Variants in DLG5 observed in about 807,000 individuals in gnomAD.
DLG5 encodes discs large MAGUK scaffold protein 5, also known as disks large homolog 5.
DLG5 carries 48 observed loss-of-function variants against 189.8 expected under a neutral mutation model. The ratio of observed to expected loss-of-function variants is 0.25; its 90% CI spans 0.20 to 0.32. The LOEUF (loss-of-function observed/expected upper bound fraction) is 0.32, where lower values mean the gene tolerates loss of function less well. DLG5 is among the 10% of genes least tolerant of loss of function. The pLI is 1.00. For missense variants in DLG5, 2,160 were observed against 2,544.7 expected (o/e 0.85, Z 3.25); for synonymous variants, 1,016 against 1,054.1 (o/e 0.96, Z 0.70).
chr10:77,800,194 C>T (rs1482802604), intron 27 of DLG5, among the ~76,000 whole-genome samples: 1 of 152,204 alleles, frequency 6.6e-6, no homozygotes, highest in Non-Finnish European at 1.5e-5. Flanking sequence ...AACTTTTAAA[C>T]TACTACACAG....
intron 1 of DLG5, among the ~76,000 whole-genome samples, chr10:77,924,523 A>T (rs1435290832): frequency 6.6e-6 from 1 of 152,240 alleles, no homozygotes; most frequent in Non-Finnish European, 1.5e-5. Flanking sequence ...TGCTTTACGA[A>T]AGACTTTCAG....
Position 77,821,827 on chromosome 10 carries a change from C to G in DLG5, c.2657G>C (p.Ser886Thr). The change falls in exon 15 of 32, where the codon AGT becomes ACT. Residue 886 changes from serine to threonine, a missense_variant. This residue lies in a region of DLG5 where 754 missense variants were observed against 746.5 expected (regional missense o/e 1.01). Transcript: ENST00000372391. ...GGAGCTCAGGCTACGCTCAGAGGCACTGGGACAGGCCTGGGGGCAGACCTG... is the reference window on the plus strand; with the variant it reads ...GGAGCTCAGGCTACGCTCAGAGGCAGTGGGACAGGCCTGGGGGCAGACCTG... ...PLQVCPQACP[S>T]ASERSLSSFR... 1 of 1,613,646 alleles carries G rather than the reference C, an allele frequency of 6.2e-7. No homozygotes were observed. The highest frequency in any genetic ancestry group is 2.2e-5 in the East Asian group (1 of 44,854).
intron 15 of DLG5, 116 bp from the exon 16 acceptor site, chr10:77,820,134 T>C (rs1842268048): frequency 1.4e-6 from 2 of 1,433,130 alleles, no homozygotes; most frequent in South Asian, 1.3e-5. Flanking sequence ...TCACCTAAGG[T>C]CAGGAGTTCA....
Position 77,810,997 on chromosome 10 carries a change from G to A in DLG5, c.4463+97C>T, listed in dbSNP as rs2154575271. 10 of 1,469,868 alleles carry A rather than the reference G, an allele frequency of 6.8e-6. No homozygotes were observed. In the South Asian group the frequency reaches 1.1e-4, roughly 16 times the overall value. The allele number at this position is 1,469,868 out of a possible 1,614,324, so 91.1% of individuals were successfully genotyped here. Reference sequence around the variant, plus strand: ...ACCTGGTGTGCGGCCTGCAGCACATGAGGCCAGCTGCCCAGTGCCCACGCC... The same window carrying A: ...ACCTGGTGTGCGGCCTGCAGCACATAAGGCCAGCTGCCCAGTGCCCACGCC... On this transcript the variant is annotated intron_variant, in intron 23 of 31. Coordinates refer to ENST00000372391, the MANE Select transcript of DLG5 (RefSeq NM_004747.4).
Position 77,792,282 on chromosome 10 carries a change from C to T in DLG5, c.*158G>A. Reference sequence around the variant, plus strand: ...GGGCCTGGATCGCACGCAGCCGTGGCCCTCTGTCTACAAAGGAGGTGCTTC... The same window carrying T: ...GGGCCTGGATCGCACGCAGCCGTGGTCCTCTGTCTACAAAGGAGGTGCTTC... On this transcript the variant is annotated 3_prime_UTR_variant, in exon 32 of 32. Coordinates refer to ENST00000372391, the MANE Select transcript of DLG5 (RefSeq NM_004747.4). 2 of 708,866 alleles carry T rather than the reference C, an allele frequency of 2.8e-6. No homozygotes were observed. Among genetic ancestry groups the T allele is most frequent in the Non-Finnish European group, 4.9e-6 (2 of 411,348 alleles). 43.9% of individuals were successfully genotyped at this position (708,866 alleles called of 1,614,324 possible). A position where few individuals can be genotyped will look rare whatever the true frequency, so the allele number is the denominator to read the frequency against.
chr10:77,926,348 T>G lies in DLG5; in HGVS notation c.173A>C (p.Lys58Thr). The change falls in exon 1 of 32, where the codon AAG becomes ACG. Residue 58 changes from lysine (K) to threonine (T), a missense_variant. By Grantham distance (78) the Lys-to-Thr change is moderately conservative. Coordinates refer to ENST00000372391, the MANE Select transcript of DLG5 (RefSeq NM_004747.4). The surrounding 1 kb of genome is among the most constrained non-coding windows in gnomAD (Gnocchi z 5.2). ...AGGAKAELLL[K>T]LLLAKERDHF... ...GTCCCGCTCCTTGGCCAAGAGCAGC[T>G]TGAGCAGCAGCTCCGCCTTGGCGCC... is the stretch of plus-strand genomic sequence containing the variant. 6.2e-7 allele frequency: 1 copy of G among 1,603,462 alleles called. No homozygotes were observed. Among genetic ancestry groups the G allele is most frequent in the Non-Finnish European group, 8.5e-7 (1 of 1,176,412 alleles).
intron 5 of DLG5, chr10:77,845,374 G>A (rs771283733): frequency 1.3e-5 from 2 of 152,198 alleles, no homozygotes; most frequent in African/African-American, 2.4e-5. Flanking sequence ...TTTATCAAGC[G>A]TTTGCAGCCT....
At chr10:77,816,881 G>A (rs1842082697) in intron 19 of DLG5, 126 bp downstream of exon 19, 3 of 1,377,730 alleles carry the variant, frequency 2.2e-6, no homozygotes, top group South Asian at 1.2e-5. Flanking sequence ...CCTACTGCTG[G>A]GCTCAGTGAA....
chr10:77,919,488 T>A (rs1317747287), intron 1 of DLG5, among the ~76,000 whole-genome samples: 1 of 150,290 alleles, frequency 6.7e-6, no homozygotes, highest in African/African-American at 2.5e-5. Context: ...GTTTTGACTG[T>A]TGAACTGGGG....
At chr10:77,878,735 C>A (rs954819145) in intron 1 of DLG5, among the ~76,000 whole-genome samples, 1 of 152,176 alleles carries the variant, frequency 6.6e-6, no homozygotes, top group Admixed American at 6.5e-5. Context: ...CATGGCAATT[C>A]CAAGCCATCC....
At chr10:77,806,691 C>T (rs1841488995) in intron 26 of DLG5, 67 bp downstream of exon 26, 1 of 1,497,748 alleles carries the variant, frequency 6.7e-7, no homozygotes, top group South Asian at 1.2e-5. Context: ...TCCCATGGGA[C>T]AGCTCCATGG....
At chr10:77,857,017 C>T in intron 2 of DLG5, 125 bp from the exon 3 acceptor site, 1 of 850,730 alleles carries the variant, frequency 1.2e-6, no homozygotes, top group Non-Finnish European at 1.8e-6. Context: ...TCTTAGCATT[C>T]CCCTTTCACA....
intron 1 of DLG5, among the ~76,000 whole-genome samples, chr10:77,897,390 T>G (rs1845793449): frequency 6.6e-6 from 1 of 151,790 alleles, no homozygotes; most frequent in Non-Finnish European, 1.5e-5. Flanking sequence ...AATAAATAAT[T>G]TTTGCTATTT....
At chr10:77,920,641 G>A (rs2278218) in intron 1 of DLG5, among the ~76,000 whole-genome samples, 29,076 of 152,098 alleles carry the variant, frequency 0.19, 3,364 homozygotes, top group South Asian at 0.27. Context: ...CACAGTGACC[G>A]GGCCTCATGT....
At chr10:77,888,649 G>A (rs975290466) in intron 1 of DLG5, among the ~76,000 whole-genome samples, 3 of 152,130 alleles carry the variant, frequency 2.0e-5, no homozygotes, top group Non-Finnish European at 4.4e-5. Context: ...AAGACAGATA[G>A]GAATGCGCCC....
intron 20 of DLG5, among the ~76,000 whole-genome samples, chr10:77,812,661 T>C (rs552092101): frequency 1.9e-4 from 29 of 152,212 alleles, no homozygotes; most frequent in African/African-American, 5.3e-4. Context: ...CACTGATACA[T>C]GTGGATTTTC....
intron 1 of DLG5, among the ~76,000 whole-genome samples, chr10:77,915,739 T>C (rs1158583065): frequency 1.3e-5 from 2 of 152,206 alleles, no homozygotes; most frequent in African/African-American, 4.8e-5. Context: ...AAAGTCTCAA[T>C]AGCCTTGTTA....
chr10:77,910,064 A>T (rs1164313378), intron 1 of DLG5, among the ~76,000 whole-genome samples: 1 of 152,048 alleles, frequency 6.6e-6, no homozygotes, highest in Non-Finnish European at 1.5e-5. Context: ...CCATTCCCCG[A>T]CTCAGCACTC....
At chr10:77,902,801 A>G (rs1007310742) in intron 1 of DLG5, among the ~76,000 whole-genome samples, 5 of 152,000 alleles carry the variant, frequency 3.3e-5, no homozygotes, top group Non-Finnish European at 7.4e-5. Flanking sequence ...CGGAGCTTGC[A>G]GTGAGCCGAG....
Sources: allele counts gnomAD v4.1 joint callset (sites outside exome capture counted in the v4.1 genomes callset), GRCh38; gene constraint gnomAD v4.1.1; regional missense constraint gnomAD v4.1.1; non-coding constraint Gnocchi (gnomAD v3.1); transcripts MANE v1.5; gene names NCBI Gene and HGNC (gene_info 2026-07-23, HGNC 2026-07-21).